Variants in ABI2 observed in about 807,000 individuals in gnomAD.
ABI2 encodes the protein abelson interactor 2.
ABI2 carries 25 observed loss-of-function variants against 59.2 expected under a neutral mutation model. The ratio of observed to expected loss-of-function variants is 0.42; its 90% CI spans 0.31 to 0.59. ABI2 has a LOEUF of 0.59. Ranked by LOEUF, ABI2 falls within the 20% of genes least tolerant of loss-of-function variation. The pLI is 0.14. For missense variants in ABI2, 545 were observed against 681.8 expected (o/e 0.80, Z 2.23); for synonymous variants, 213 against 235.5 (o/e 0.90, Z 0.87).
intron 11 of ABI2, among the ~76,000 whole-genome samples, chr2:203,424,783 A>G (rs1042222983): frequency 6.6e-6 from 1 of 152,240 alleles, no homozygotes; most frequent in Non-Finnish European, 1.5e-5. Context: ...GGCAAAAGAA[A>G]AAGCTGAACA....
intron 1 of ABI2, among the ~76,000 whole-genome samples, chr2:203,341,545 T>C (rs758849575): frequency 1.3e-5 from 2 of 151,928 alleles, no homozygotes; most frequent in Non-Finnish European, 2.9e-5. Context: ...CGAAACCCCA[T>C]CTCTACTAAA....
rs2069954536 is a variant in ABI2, at chr2:203,328,435, C to T, written c.-80C>T. The T allele has an allele frequency of 8.3e-7, 1 of 1,210,988 alleles. No homozygotes were observed. 75.0% of individuals were successfully genotyped at this position (1,210,988 alleles called of 1,614,324 possible). The stretch of plus-strand genomic sequence containing the variant: ...CGCCGTCGCCGCCGCTCCTCCTCTC[C>T]CGGTCCTGGGTTTCCTTGGCGCTGC... On this transcript the variant is annotated 5_prime_UTR_variant, in exon 1 of 12. Coordinates refer to ENST00000261018, the MANE Select transcript of ABI2 (RefSeq NM_001375670.1).
At chr2:203,403,415 A>G (rs143557717) in intron 9 of ABI2, 3 of 154,818 alleles carry the variant, frequency 1.9e-5, no homozygotes, top group African/African-American at 7.2e-5. Flanking sequence ...CAGTAAGCCT[A>G]TGTGTGAACA....
intron 4 of ABI2, among the ~76,000 whole-genome samples, chr2:203,387,856 C>T (rs2096591325): frequency 1.3e-5 from 2 of 152,236 alleles, no homozygotes; most frequent in South Asian, 2.1e-4. Flanking sequence ...CTCTCTCTGT[C>T]GCTGTCGTTA....
rs1239665491 is a variant in ABI2, at chr2:203,427,296, G to A, written c.1573G>A (p.Val525Met). ...DGWYEGVMNG[V>M]TGLFPGNYVE... is the part of the protein sequence containing the mutation. The stretch of plus-strand genomic sequence containing the variant: ...TTGGTATGAGGGAGTTATGAATGGA[G>A]TGACTGGGCTTTTTCCTGGGAATTA... The change falls in exon 12 of 12, where the codon GTG (valine) becomes ATG (methionine). Residue 525 changes from valine (V) to methionine (M), a missense_variant. Physicochemically the swap from Val to Met is conservative, Grantham distance 21 (BLOSUM62 1). Around this residue, in one of 4 missense-constraint regions of ABI2, gnomAD observed 44 missense variants for 106.4 expected, o/e 0.41. Transcript: ENST00000261018. 6.2e-7 allele frequency: 1 copy of A among 1,614,068 alleles called. No homozygotes were observed. The highest frequency in any genetic ancestry group is 2.2e-5 in the East Asian group (1 of 44,844).
intron 1 of ABI2, among the ~76,000 whole-genome samples, chr2:203,337,485 TGAA>T (rs1191754447): frequency 6.6e-6 from 1 of 152,214 alleles, no homozygotes; most frequent in Non-Finnish European, 1.5e-5. Context: ...TGAAAGTAAT[TGAA>T]GAACATGCAA....
chr2:203,409,764 G>A (rs941399379), intron 9 of ABI2, among the ~76,000 whole-genome samples: 9 of 152,000 alleles, frequency 5.9e-5, no homozygotes, highest in Non-Finnish European at 1.0e-4. Flanking sequence ...AGCCACTATT[G>A]GAAGTAGGTT....
chr2:203,399,488 C>T (rs558756336), intron 8 of ABI2, among the ~76,000 whole-genome samples: 3 of 150,316 alleles, frequency 2.0e-5, no homozygotes, highest in Non-Finnish European at 3.0e-5. Flanking sequence ...TTTTGTGATT[C>T]GTTTGCTTAT....
chr2:203,412,283 A>G (rs910135398), intron 10 of ABI2, among the ~76,000 whole-genome samples: 4 of 152,134 alleles, frequency 2.6e-5, no homozygotes, highest in Non-Finnish European at 4.4e-5. Flanking sequence ...TTTGCTTGCT[A>G]GCTGTTTCCC....
At chr2:203,347,600 A>G (rs187491839) in intron 1 of ABI2, among the ~76,000 whole-genome samples, 59 of 152,342 alleles carry the variant, frequency 3.9e-4, no homozygotes, top group Admixed American at 1.2e-3. Flanking sequence ...GAGAGAAGAG[A>G]TAACAAAATA....
intron 1 of ABI2, among the ~76,000 whole-genome samples, chr2:203,332,010 A>C (rs887003544): frequency 2.6e-5 from 4 of 151,018 alleles, no homozygotes; most frequent in Non-Finnish European, 4.4e-5. Flanking sequence ...GGGTTTTGCC[A>C]TGTTGGCCAG....
intron 1 of ABI2, among the ~76,000 whole-genome samples, chr2:203,365,950 A>G (rs539192626): frequency 6.6e-6 from 1 of 152,172 alleles, no homozygotes; most frequent in South Asian, 2.1e-4. Flanking sequence ...CTTAATGCTT[A>G]CAGGACTTTA....
intron 11 of ABI2, among the ~76,000 whole-genome samples, chr2:203,417,546 A>G (rs1022985351): frequency 1.3e-5 from 2 of 152,188 alleles, no homozygotes; most frequent in Non-Finnish European, 2.9e-5. Context: ...AGCTTCTTTG[A>G]TATTAGCTAA....
chr2:203,406,391 G>A (rs550591515), intron 9 of ABI2, among the ~76,000 whole-genome samples: 1 of 152,246 alleles, frequency 6.6e-6, no homozygotes, highest in South Asian at 2.1e-4. Flanking sequence ...TCCAAGAGAT[G>A]TGTCTATATA....
At chr2:203,369,187 T>C (rs533539899) in intron 2 of ABI2, among the ~76,000 whole-genome samples, 6 of 151,856 alleles carry the variant, frequency 4.0e-5, no homozygotes, top group Non-Finnish European at 5.9e-5. Flanking sequence ...TAATGTGATA[T>C]AGAATTTCAA....
chr2:203,404,321 G>A, intron 9 of ABI2, among the ~76,000 whole-genome samples: 1 of 152,116 alleles, frequency 6.6e-6, no homozygotes, highest in East Asian at 1.9e-4. Context: ...TGCTGTATCT[G>A]TAGTCCATCC....
At chr2:203,403,631 T>C (rs555773197) in intron 9 of ABI2, among the ~76,000 whole-genome samples, 4 of 91,408 alleles carry the variant, frequency 4.4e-5, no homozygotes, top group Admixed American at 1.3e-4. Context: ...AAAATAAGAT[T>C]GGTGATCATT....
intron 2 of ABI2, chr2:203,376,069 C>G: frequency 1.3e-6 from 2 of 1,534,102 alleles, no homozygotes. Context: ...AAATTAGAGG[C>G]GTTGATCTTG....
intron 10 of ABI2, among the ~76,000 whole-genome samples, chr2:203,416,226 A>T (rs1187737840): frequency 1.3e-5 from 2 of 152,176 alleles, no homozygotes; most frequent in African/African-American, 4.8e-5. Context: ...TTACCCTTGA[A>T]TACAGTGTAA....
Sources: allele counts gnomAD v4.1 joint callset (sites outside exome capture counted in the v4.1 genomes callset), GRCh38; gene constraint gnomAD v4.1.1; regional missense constraint gnomAD v4.1.1; transcripts MANE v1.5; gene names NCBI Gene and HGNC (gene_info 2026-07-23, HGNC 2026-07-21).